Variants in AGR3 observed in about 807,000 individuals in gnomAD.
The protein encoded by AGR3 is anterior gradient protein 3.
AGR3 carries 37 observed loss-of-function variants against 24.5 expected under a neutral mutation model. The observed-to-expected ratio is 1.51, with a 90% CI of 1.16 to 1.99. AGR3 has a LOEUF of 1.99. Among genes scored for constraint, AGR3 ranks in the 30% most tolerant of loss-of-function variants. The probability of loss-of-function intolerance (pLI) is 0.00; values close to 1 mark genes in which losing one functional copy is unlikely to be tolerated. For synonymous variants in AGR3, 75 were observed against 61.6 expected (o/e 1.22, Z -1.02); for missense variants, 228 against 191.1 (o/e 1.19, Z -1.14).
Position 16,873,760 on chromosome 7 carries a change from T to C in AGR3, c.173+20A>G, listed in dbSNP as rs1781930032. 1 of 1,575,172 alleles carries C rather than the reference T, an allele frequency of 6.3e-7. No individual in the cohort carries two copies. Among genetic ancestry groups the C allele is most frequent in the Non-Finnish European group, 8.7e-7 (1 of 1,145,970 alleles). On this transcript the variant is annotated intron_variant, in intron 3 of 7. Transcript: ENST00000310398. Reference sequence around the variant, plus strand: ...TCTACTACAAATAAAAGGAAAAAAATGAGCTGAGAAGCATGTTACCTTTTT... The same window carrying C: ...TCTACTACAAATAAAAGGAAAAAAACGAGCTGAGAAGCATGTTACCTTTTT...
chr7:16,875,297 TCTA>T lies in AGR3; in HGVS notation c.110-1457_110-1455del, dbSNP rs1781965493. The stretch of plus-strand genomic sequence containing the variant: ...TGCCACAGCCCTAAGAAACCCCTAA[TCTA>T]CTTTCTGTCTCTATAGATTTGCTTA... On this transcript the variant is annotated intron_variant, in intron 2 of 7. Coordinates refer to ENST00000310398, the MANE Select transcript of AGR3 (RefSeq NM_176813.5). Among the ~76,000 whole-genome samples the T allele has an allele frequency of 2.0e-5, 3 of 152,230 alleles. No homozygotes were observed. In the South Asian group the frequency reaches 6.2e-4, roughly 32 times the overall value.
At chr7:16,876,795 T>C (rs1416926382) in intron 2 of AGR3, among the ~76,000 whole-genome samples, 1 of 152,198 alleles carries the variant, frequency 6.6e-6, no homozygotes, top group African/African-American at 2.4e-5. Context: ...TAATATATTT[T>C]TTCAAAACAT....
intron 3 of AGR3, chr7:16,865,178 C>G (rs1781730930): frequency 1.3e-6 from 1 of 745,662 alleles, no homozygotes; most frequent in South Asian, 1.6e-5. Flanking sequence ...TTTCAAAAAC[C>G]CTATCAGTTT....
intron 3 of AGR3, among the ~76,000 whole-genome samples, chr7:16,862,901 A>T (rs1781677269): frequency 6.6e-6 from 1 of 152,184 alleles, no homozygotes; most frequent in Non-Finnish European, 1.5e-5. Flanking sequence ...TTCCCAAATC[A>T]GGAAAGCCTC....
At position 16,864,486 on chromosome 7, in the gene AGR3, C is replaced by G. The variant is rs148606676; in HGVS notation, c.174-1824G>C. ...CTTCATCTCCACTGTCAGGGTCGAT[C>G]ATTCCATGTTCCCTGTCAGTCAGGG... On this transcript the variant is annotated intron_variant, in intron 3 of 7. Coordinates refer to ENST00000310398, the MANE Select transcript of AGR3 (RefSeq NM_176813.5). 1.8e-4 allele frequency: 222 copies of G among 1,259,720 alleles called. 1 individual carries two copies. The African/African-American group carries it at 3.1e-3, about 17-fold the overall frequency. The allele number at this position is 1,259,720 out of a possible 1,614,324, so 78.0% of individuals were successfully genotyped here.
chr7:16,866,292 A>C (rs954315889), intron 3 of AGR3: 5 of 548,958 alleles, frequency 9.1e-6, no homozygotes, highest in Non-Finnish European at 1.1e-5. Flanking sequence ...CTTTGGTCTA[A>C]GAAAAGTTTT....
At chr7:16,858,672 A>C (rs1781586157), downstream of AGR3, among the ~76,000 whole-genome samples, 1 of 151,992 alleles carries the variant, frequency 6.6e-6, no homozygotes, top group Non-Finnish European at 1.5e-5. Context: ...GGAGTTCGAG[A>C]CCAGCCTGGC....
chr7:16,871,414 T>C (rs543985797), intron 3 of AGR3, among the ~76,000 whole-genome samples: 1 of 152,296 alleles, frequency 6.6e-6, no homozygotes, highest in South Asian at 2.1e-4. Flanking sequence ...GATTCATCAA[T>C]GAGGTATCTA....
At chr7:16,870,066 A>T (rs1781835521) in intron 3 of AGR3, among the ~76,000 whole-genome samples, 1 of 151,982 alleles carries the variant, frequency 6.6e-6, no homozygotes, top group African/African-American at 2.4e-5. Flanking sequence ...CCAAGAATAT[A>T]ATATGCACTG....
downstream of AGR3, among the ~76,000 whole-genome samples, chr7:16,854,888 T>C (rs1781534949): frequency 6.6e-6 from 1 of 152,206 alleles, no homozygotes; most frequent in Non-Finnish European, 1.5e-5. Context: ...ATTCCTTCTG[T>C]ATGCATGTCT....
chr7:16,869,295 C>A (rs975088523), intron 3 of AGR3, among the ~76,000 whole-genome samples: 2 of 151,986 alleles, frequency 1.3e-5, no homozygotes, highest in Admixed American at 6.6e-5. Context: ...TATATAATGA[C>A]CTTCTTTGTT....
At chr7:16,880,086 CCCTT>C (rs112786828) in intron 1 of AGR3, among the ~76,000 whole-genome samples, 20,079 of 137,748 alleles carry the variant, frequency 0.15, 2,164 homozygotes, top group East Asian at 0.28. Context: ...TCCTTCTTTC[CCCTT>C]CCTTCCTTCC....
At chr7:16,876,680 A>G (rs941519699) in intron 2 of AGR3, among the ~76,000 whole-genome samples, 1 of 152,208 alleles carries the variant, frequency 6.6e-6, no homozygotes, top group East Asian at 1.9e-4. Flanking sequence ...CCAATTCTCA[A>G]TAATGGTGTT....
intron 3 of AGR3, among the ~76,000 whole-genome samples, chr7:16,863,373 T>G (rs933500173): frequency 1.3e-5 from 2 of 152,152 alleles, no homozygotes; most frequent in Admixed American, 1.3e-4. Flanking sequence ...TTCACATCCT[T>G]TCATTCTTGC....
intron 3 of AGR3, chr7:16,865,972 T>C: frequency 1.5e-6 from 1 of 680,670 alleles, no homozygotes; most frequent in Non-Finnish European, 2.7e-6. Flanking sequence ...AGGTTTCAAC[T>C]TCTTCAATTA....
intron 1 of AGR3, among the ~76,000 whole-genome samples, 158 bp downstream of exon 1, chr7:16,881,786 G>A (rs185175508): frequency 1.1e-3 from 160 of 151,844 alleles, no homozygotes; most frequent in African/African-American, 3.7e-3. Context: ...TATGAAACCA[G>A]CAAAGGAAAT....
chr7:16,861,743 A>C (rs1781647840), intron 5 of AGR3, among the ~76,000 whole-genome samples: 2 of 151,704 alleles, frequency 1.3e-5, no homozygotes, highest in African/African-American at 4.8e-5. Context: ...TCTACTAAAA[A>C]TACAAAAATT....
chr7:16,864,548 G>C (rs1427036329), intron 3 of AGR3: 11 of 1,359,410 alleles, frequency 8.1e-6, no homozygotes, highest in African/African-American at 2.9e-5. Context: ...TGCTTCAGAG[G>C]GAGCCTTCCA....
At chr7:16,869,236 ATATATT>A (rs1459070854) in intron 3 of AGR3, among the ~76,000 whole-genome samples, 2 of 152,186 alleles carry the variant, frequency 1.3e-5, no homozygotes, top group Non-Finnish European at 2.9e-5. Flanking sequence ...TTGGATGAAC[ATATATT>A]TATAATTGTT....
Sources: allele counts gnomAD v4.1 joint callset (sites outside exome capture counted in the v4.1 genomes callset), GRCh38; gene constraint gnomAD v4.1.1; transcripts MANE v1.5; gene names NCBI Gene and HGNC (gene_info 2026-07-23, HGNC 2026-07-21).